Variants in FCRL1 observed in about 807,000 individuals in gnomAD.
FCRL1 encodes Fc receptor like 1.
A neutral mutation model predicts 49.2 loss-of-function variants in FCRL1; 34 were observed. The observed-to-expected ratio is 0.69, with a 90% CI of 0.53 to 0.92. The LOEUF (loss-of-function observed/expected upper bound fraction) is 0.92, where lower values mean the gene tolerates loss of function less well. Ranked by LOEUF, FCRL1 falls within the 40% of genes least tolerant of loss-of-function variation. The probability of loss-of-function intolerance (pLI) is 0.00; values close to 1 mark genes in which losing one functional copy is unlikely to be tolerated. For synonymous variants in FCRL1, 218 were observed against 201.6 expected (o/e 1.08, Z -0.69); for missense variants, 524 against 524.1 (o/e 1.00, Z 0.00).
intron 1 of FCRL1, among the ~76,000 whole-genome samples, chr1:157,813,391 T>C (rs1251496907): frequency 6.6e-6 from 1 of 152,132 alleles, no homozygotes; most frequent in Non-Finnish European, 1.5e-5. Flanking sequence ...TTTGAAAACA[T>C]ATAGATATCA....
At chr1:157,796,940 T>C (rs1651584011) in intron 10 of FCRL1, among the ~76,000 whole-genome samples, 161 bp downstream of exon 10, 1 of 152,244 alleles carries the variant, frequency 6.6e-6, no homozygotes, top group Non-Finnish European at 1.5e-5. Context: ...TGACCCCTTA[T>C]TGTTGTAACT....
intron 5 of FCRL1, 133 bp from the exon 6 acceptor site, chr1:157,801,710 T>C (rs1372565039): frequency 2.3e-6 from 2 of 861,974 alleles, no homozygotes; most frequent in Non-Finnish European, 3.7e-6. Context: ...TAGGGACTTG[T>C]GGCTTATCAT....
chr1:157,811,166 G>A (rs147067573), intron 1 of FCRL1, among the ~76,000 whole-genome samples: 8 of 152,212 alleles, frequency 5.3e-5, no homozygotes, highest in African/African-American at 1.7e-4. Context: ...AGACATTGTC[G>A]GTGATGTCGG....
In FCRL1 at chr1:157,798,918, C is replaced by T. The variant is rs1387559124; in HGVS notation, c.1032-675G>A. On this transcript the variant is annotated intron_variant, in intron 7 of 10. Coordinates refer to ENST00000368176, the MANE Select transcript of FCRL1 (RefSeq NM_052938.5). ...TTATATTTTCACATTTGTCAGCACT[C>T]AACAGAATGACTTACAGATCCTCAA... 2.6e-5 allele frequency among the ~76,000 whole-genome samples: 4 copies of T among 152,162 alleles called. No individual in the cohort carries two copies. In the South Asian group the frequency reaches 8.3e-4, roughly 32 times the overall value.
Position 157,801,532 on chromosome 1 carries a change from T to C in FCRL1, c.932A>G (p.Glu311Gly). The C allele has an allele frequency of 6.2e-7, 1 of 1,614,038 alleles. No individual in the cohort carries two copies. The highest frequency in any genetic ancestry group is 8.5e-7 in the Non-Finnish European group (1 of 1,179,966). ...RSNHLTSGVI[E>G]GLLSTLGPAT... ...TGGACCAAGGGTGCTGAGCAGCCCCTCAATGACTCCTGAGGTAAGATGATT... is the reference window on the plus strand; with the variant it reads ...TGGACCAAGGGTGCTGAGCAGCCCCCCAATGACTCCTGAGGTAAGATGATT... Residue 311 changes from glutamate (E) to glycine (G), a missense_variant, in exon 6 of 11, where the codon GAG (glutamate) becomes GGG (glycine). By Grantham distance (98) the Glu-to-Gly change is moderately conservative (BLOSUM62 -2). Transcript: ENST00000368176.
At chr1:157,809,385 A>G (rs1653965073) in intron 1 of FCRL1, among the ~76,000 whole-genome samples, 1 of 152,086 alleles carries the variant, frequency 6.6e-6, no homozygotes, top group Non-Finnish European at 1.5e-5. Context: ...AAATAAATTA[A>G]TTAATTTAAA....
Position 157,804,097 on chromosome 1 carries a change from C to T in FCRL1, c.67G>A (p.Ala23Thr). ...LCEPAELFLI[A>T]SPSHPTEGSP... ...CCCTCTGTGGGATGGGAGGGGCTGG[C>T]TATCAAAAACAGCTCTAGAGAGAGG... The change falls in exon 3 of 11, where the codon GCC becomes ACC. Residue 23 changes from alanine to threonine, a missense_variant. Coordinates refer to ENST00000368176, the MANE Select transcript of FCRL1 (RefSeq NM_052938.5). 6.2e-7 allele frequency: 1 copy of T among 1,613,944 alleles called. No individual in the cohort carries two copies. The highest frequency in any genetic ancestry group is 8.5e-7 in the Non-Finnish European group (1 of 1,179,966).
chr1:157,806,184 T>G (rs1369849475), intron 2 of FCRL1, among the ~76,000 whole-genome samples: 1 of 152,198 alleles, frequency 6.6e-6, no homozygotes, highest in African/African-American at 2.4e-5. Flanking sequence ...AAGGCATGCA[T>G]GGTGTTAACA....
chr1:157,803,523 T>C (rs1652882134), intron 3 of FCRL1, among the ~76,000 whole-genome samples: 1 of 152,190 alleles, frequency 6.6e-6, no homozygotes, highest in Non-Finnish European at 1.5e-5. Flanking sequence ...CAGCACCACA[T>C]ATTTAACCCT....
chr1:157,799,713 G>T (rs28379976), intron 7 of FCRL1, among the ~76,000 whole-genome samples: 3,837 of 152,026 alleles, frequency 0.025, 150 homozygotes, highest in African/African-American at 0.086. Context: ...AATGGGTGCA[G>T]CACACGAACA....
chr1:157,798,623 G>T (rs1012298057), intron 7 of FCRL1, among the ~76,000 whole-genome samples: 3 of 151,940 alleles, frequency 2.0e-5, no homozygotes, highest in Non-Finnish European at 4.4e-5. Context: ...GCTCCTTCAT[G>T]TGCGGGTACC....
At chr1:157,814,381 T>C (rs1021918565) in intron 1 of FCRL1, among the ~76,000 whole-genome samples, 6 of 152,014 alleles carry the variant, frequency 3.9e-5, no homozygotes, top group African/African-American at 1.2e-4. Flanking sequence ...TAAGCTGTTA[T>C]CAGCTTAAAG....
chr1:157,815,034 CA>C, intron 1 of FCRL1, among the ~76,000 whole-genome samples: 1 of 151,972 alleles, frequency 6.6e-6, no homozygotes, highest in Middle Eastern at 3.4e-3. Context: ...CCACTTTCAG[CA>C]ATGGAAAATC....
chr1:157,801,361 C>T, intron 6 of FCRL1, 100 bp downstream of exon 6: 1 of 790,338 alleles, frequency 1.3e-6, no homozygotes, highest in South Asian at 1.6e-5. Flanking sequence ...AAGGTGTTAA[C>T]AGCATATACA....
intron 1 of FCRL1, among the ~76,000 whole-genome samples, chr1:157,808,329 G>A (rs1350405879): frequency 6.6e-6 from 1 of 152,160 alleles, no homozygotes; most frequent in East Asian, 1.9e-4. Context: ...ATAAGATACA[G>A]AGCATCTTAA....
intron 6 of FCRL1, among the ~76,000 whole-genome samples, chr1:157,800,513 C>T (rs1652272985): frequency 6.6e-6 from 1 of 152,176 alleles, no homozygotes; most frequent in Non-Finnish European, 1.5e-5. Context: ...TCACAGTGTC[C>T]TCTCTTGCCT....
chr1:157,813,685 T>C (rs1654651710), intron 1 of FCRL1, among the ~76,000 whole-genome samples: 1 of 152,176 alleles, frequency 6.6e-6, no homozygotes, highest in African/African-American at 2.4e-5. Flanking sequence ...GATAAAATAG[T>C]AGCTGAAAAC....
intron 1 of FCRL1, among the ~76,000 whole-genome samples, chr1:157,815,666 T>G (rs1236958376): frequency 6.6e-6 from 1 of 151,336 alleles, no homozygotes; most frequent in Non-Finnish European, 1.5e-5. Flanking sequence ...ATGAAATGAG[T>G]CAGTCTTTTA....
At chr1:157,798,309 G>T in intron 7 of FCRL1, 66 bp from the exon 8 acceptor site, 1 of 1,303,722 alleles carries the variant, frequency 7.7e-7, no homozygotes, top group Non-Finnish European at 1.1e-6. Flanking sequence ...ATATCACACT[G>T]AAGGAGAGAA....
Sources: gnomAD v4.1 joint callset for allele counts (sites outside exome capture counted in the v4.1 genomes callset) on GRCh38, gnomAD v4.1.1 for gene constraint, MANE v1.5 for transcripts, NCBI Gene and HGNC (gene_info 2026-07-23, HGNC 2026-07-21) for gene names.